Variants in PCDHA2 observed in about 807,000 individuals in gnomAD.
PCDHA2 encodes protocadherin alpha-2.
In PCDHA2, 58 loss-of-function variants were observed where a neutral mutation model predicts 66.0. The ratio of observed to expected loss-of-function variants is 0.88; its 90% CI spans 0.71 to 1.09. The LOEUF is 1.09. PCDHA2 is among the 50% of genes least tolerant of loss of function. The pLI, the probability that PCDHA2 is intolerant of heterozygous loss-of-function variation, is 0.00. For synonymous variants in PCDHA2, 634 were observed against 554.0 expected (o/e 1.14, Z -2.03); for missense variants, 1,267 against 1,242.3 (o/e 1.02, Z -0.30).
chr5:140,796,645 A>C lies in PCDHA2; in HGVS notation c.1681A>C (p.Asn561His). ...LQVFVLDEND[N>H]APALLAPRAG... Reference sequence around the variant, plus strand: ...GGTGTTCGTGCTGGACGAGAACGACAACGCGCCGGCACTGTTGGCGCCTAG... The same window carrying C: ...GGTGTTCGTGCTGGACGAGAACGACCACGCGCCGGCACTGTTGGCGCCTAG... Residue 561 changes from asparagine to histidine, a missense_variant, in exon 1 of 4, where the codon AAC becomes CAC. Physicochemically the swap from Asn to His is moderately conservative, Grantham distance 68. Coordinates refer to ENST00000526136, the MANE Select transcript of PCDHA2 (RefSeq NM_018905.3). The C allele has an allele frequency of 6.2e-7, 1 of 1,613,836 alleles. No homozygotes were observed. Among genetic ancestry groups the C allele is most frequent in the Non-Finnish European group, 8.5e-7 (1 of 1,179,884 alleles).
At chr5:140,807,492 G>T in intron 1 of PCDHA2, 5 of 1,613,712 alleles carry the variant, frequency 3.1e-6, no homozygotes, top group Non-Finnish European at 8.5e-7. Context: ...AGCGCGGAGT[G>T]CAGCATCCAC....
rs143944331 is a variant in PCDHA2 at position 140,796,894 on chromosome 5, C to A, written c.1930C>A (p.Arg644=). 167 of 1,613,946 alleles carry A rather than the reference C, an allele frequency of 1.0e-4. No individual in the cohort carries two copies. The African/African-American group carries it at 1.9e-3, about 18-fold the overall frequency. ...TRALDEADSP[R]HRLLVLVKDH... is the part of the protein sequence containing the mutation. The stretch of plus-strand genomic sequence containing the variant: ...TGCCCTAGACGAGGCTGACTCCCCT[C>A]GACACCGCCTACTCGTGCTGGTGAA... Residue 644 remains arginine (R), a synonymous_variant, in exon 1 of 4, where the codon CGA becomes AGA. Coordinates refer to ENST00000526136, the MANE Select transcript of PCDHA2 (RefSeq NM_018905.3).
At chr5:140,833,459 T>TAA (rs1554133849) in intron 1 of PCDHA2, among the ~76,000 whole-genome samples, 3 of 152,166 alleles carry the variant, frequency 2.0e-5, no homozygotes, top group Non-Finnish European at 4.4e-5. Flanking sequence ...TAAAATAAAC[T>TAA]TACATTTTAA....
At chr5:140,825,623 T>C (rs2150140441) in intron 1 of PCDHA2, 11 of 151,926 alleles carry the variant, frequency 7.2e-5, no homozygotes, top group African/African-American at 1.7e-4. Context: ...GGTTTCACCA[T>C]GTTGGTCATG....
intron 1 of PCDHA2, chr5:140,850,027 A>G (rs2150464152): frequency 2.5e-6 from 4 of 1,596,758 alleles, no homozygotes; most frequent in Non-Finnish European, 3.4e-6. Context: ...GTGTCAGTGC[A>G]CGCGGAGAGC....
At position 141,010,163 on chromosome 5, in the gene PCDHA2, C is replaced by T; in HGVS notation, c.*226C>T. Reference sequence around the variant, plus strand: ...CTTTCTCTCCACTCTGGCTTGTTTTCAGAACCTAAAAAGCAGACCCAAGTT... The same window carrying T: ...CTTTCTCTCCACTCTGGCTTGTTTTTAGAACCTAAAAAGCAGACCCAAGTT... On this transcript the variant is annotated 3_prime_UTR_variant, in exon 4 of 4. Transcript: ENST00000526136. 1 of 1,565,826 alleles carries T rather than the reference C, an allele frequency of 6.4e-7. No homozygotes were observed. The highest frequency in any genetic ancestry group is 8.7e-7 in the Non-Finnish European group (1 of 1,154,220).
At chr5:140,810,798 T>A (rs1554125570) in intron 1 of PCDHA2, 1 of 152,102 alleles carries the variant, frequency 6.6e-6, no homozygotes, top group Non-Finnish European at 1.5e-5. Context: ...TCATGGCTAG[T>A]TTTTAATTCT....
chr5:140,957,407 A>G lies in PCDHA2; in HGVS notation c.2389-21542A>G, dbSNP rs570373783. On this transcript the variant is annotated intron_variant, in intron 1 of 3. Coordinates refer to ENST00000526136, the MANE Select transcript of PCDHA2 (RefSeq NM_018905.3). ...GTTATAATTGTCCTAATTTATTATT[A>G]TTGTTGTTAATCTTTTACTGTGCCT... Among the ~76,000 whole-genome samples, 13 of 152,274 alleles carry G rather than the reference A, an allele frequency of 8.5e-5. No homozygotes were observed. The South Asian group carries it at 2.7e-3, about 32-fold the overall frequency.
At chr5:141,007,395 C>CAAAAAAAAAAAAAAAAA (rs35800918) in intron 3 of PCDHA2, among the ~76,000 whole-genome samples, 5 of 94,868 alleles carry the variant, frequency 5.3e-5, no homozygotes, top group Non-Finnish European at 8.3e-5. Context: ...TACTAAAATA[C>CAAAAAAAAAAAAAAAAA]AAAAAAAAAA....
intron 1 of PCDHA2, chr5:140,850,077 C>T: frequency 6.3e-7 from 1 of 1,596,450 alleles, no homozygotes. Context: ...CCACGAGGAG[C>T]TGGAGCTGCT....
intron 1 of PCDHA2, among the ~76,000 whole-genome samples, chr5:140,972,883 C>T (rs1020544230): frequency 1.1e-4 from 16 of 151,884 alleles, no homozygotes; most frequent in African/African-American, 1.7e-4. Context: ...AGGATGGTCT[C>T]GATCTCTTGA....
At chr5:140,929,113 A>G (rs1554206696) in intron 1 of PCDHA2, 5 of 1,614,154 alleles carry the variant, frequency 3.1e-6, no homozygotes, top group East Asian at 2.2e-5. Flanking sequence ...GACATCAGCC[A>G]CCATAGATGT....
intron 1 of PCDHA2, among the ~76,000 whole-genome samples, chr5:140,973,210 C>T (rs112667484): frequency 0.028 from 4,273 of 152,266 alleles, 188 homozygotes; most frequent in African/African-American, 0.096. Flanking sequence ...CATATTCACC[C>T]TAATTCCAGG....
At chr5:140,928,830 TTCC>T in intron 1 of PCDHA2, 1 of 1,614,124 alleles carries the variant, frequency 6.2e-7, no homozygotes, top group Non-Finnish European at 8.5e-7. Flanking sequence ...ACCCACCACT[TTCC>T]TCCTCTGTCA....
intron 1 of PCDHA2, chr5:140,967,843 T>G (rs782701780): frequency 6.2e-7 from 1 of 1,614,102 alleles, no homozygotes; most frequent in East Asian, 2.2e-5. Flanking sequence ...TGGACGTGAA[T>G]GACAATGCCC....
rs781846496 is a variant in PCDHA2, at chr5:140,795,563, T to C, written c.599T>C (p.Leu200Pro). The change falls in exon 1 of 4, where the codon CTG (leucine) becomes CCG (proline). Residue 200 changes from leucine to proline, a missense_variant. By Grantham distance (98) the Leu-to-Pro change is moderately conservative. Transcript: ENST00000526136. ...ESLSLVLGKS[L>P]DREETAEVNL... is the part of the protein sequence containing the mutation. ...TTGTCTCTCGTGCTGGGGAAATCGCTGGACAGAGAGGAAACTGCTGAGGTT... is the reference window on the plus strand; with the variant it reads ...TTGTCTCTCGTGCTGGGGAAATCGCCGGACAGAGAGGAAACTGCTGAGGTT... 3.7e-6 allele frequency: 6 copies of C among 1,614,050 alleles called. No homozygotes were observed. In the African/African-American group the frequency reaches 8.0e-5, roughly 22 times the overall value.
At chr5:140,829,727 G>A (rs2150173512) in intron 1 of PCDHA2, 12 of 1,613,462 alleles carry the variant, frequency 7.4e-6, no homozygotes, top group East Asian at 4.5e-5. Flanking sequence ...GCCGCCTCTG[G>A]GCAGCAACGT....
chr5:140,843,314 GT>G lies in PCDHA2; in HGVS notation c.2388+45964del, dbSNP rs2150357252. 6.3e-6 allele frequency: 10 copies of G among 1,596,084 alleles called. 1 individual carries two copies. The highest frequency in any genetic ancestry group is 8.6e-6 in the Non-Finnish European group (10 of 1,165,598). ...ACCTGCGCTGACCGCCACGGCCACGGTTCTGGTGTCGCTGGTGGAGAGCGGC... is the reference window on the plus strand; with the variant it reads ...ACCTGCGCTGACCGCCACGGCCACGGTCTGGTGTCGCTGGTGGAGAGCGGC... On this transcript the variant is annotated intron_variant, in intron 1 of 3. Transcript: ENST00000526136.
At chr5:140,971,728 C>A (rs1221096186) in intron 1 of PCDHA2, among the ~76,000 whole-genome samples, 2 of 151,550 alleles carry the variant, frequency 1.3e-5, no homozygotes, top group African/African-American at 2.4e-5. Flanking sequence ...GTATATCATA[C>A]ATATACACAT....
Sources: gnomAD v4.1 joint callset for allele counts (sites outside exome capture counted in the v4.1 genomes callset) on GRCh38, gnomAD v4.1.1 for gene constraint, MANE v1.5 for transcripts, NCBI Gene and HGNC (gene_info 2026-07-23, HGNC 2026-07-21) for gene names.